The following PTBP2 variants were observed in gnomAD, a reference collection of about 807,000 sequenced individuals.
PTBP2 encodes the protein polypyrimidine tract binding protein 2.
Under a neutral mutation model 61.4 loss-of-function variants are expected in PTBP2, and 13 were observed. The observed-to-expected ratio is 0.21, with a 90% CI of 0.14 to 0.34. PTBP2 has a LOEUF of 0.34. PTBP2 is among the 10% of genes least tolerant of loss of function. PTBP2 has a pLI of 1.00. For missense variants in PTBP2, 405 were observed against 642.6 expected (o/e 0.63, Z 4.00); for synonymous variants, 215 against 218.5 (o/e 0.98, Z 0.14).
At chr1:96,787,512 CTTCTT>C (rs1319852825) in intron 8 of PTBP2, among the ~76,000 whole-genome samples, 1 of 151,596 alleles carries the variant, frequency 6.6e-6, no homozygotes, top group Non-Finnish European at 1.5e-5. Context: ...TCCTAAGTGA[CTTCTT>C]TTTTTTATCT....
chr1:96,797,181 G>A (rs939829786), intron 8 of PTBP2, among the ~76,000 whole-genome samples: 1 of 152,124 alleles, frequency 6.6e-6, no homozygotes, highest in African/African-American at 2.4e-5. Flanking sequence ...CTCATTGATG[G>A]TGGTGGAACA....
chr1:96,784,964 G>T lies in PTBP2; in HGVS notation c.709-95G>T, dbSNP rs273873. On this transcript the variant is annotated intron_variant, in intron 7 of 13. Coordinates refer to ENST00000674951, the MANE Select transcript of PTBP2 (RefSeq NM_021190.4). ...CCTTTTCCTGGTAGCTTTTAAGTTC[G>T]AGTTTTTGTTGTTGAGTTTTATTAC... 328,830 of 1,019,574 alleles carry T rather than the reference G, an allele frequency of 0.32. 55,213 individuals carry two copies. Among genetic ancestry groups the T allele is most frequent in the South Asian group, 0.42 (23,220 of 55,890 alleles). 63.2% of individuals were successfully genotyped at this position (1,019,574 alleles called of 1,614,324 possible).
chr1:96,776,190 T>C (rs1174150159), intron 5 of PTBP2, among the ~76,000 whole-genome samples: 2 of 152,012 alleles, frequency 1.3e-5, no homozygotes, highest in African/African-American at 4.8e-5. Context: ...ATGCTTGTTA[T>C]TATAGATAAA....
At chr1:96,807,761 T>G (rs1364961552) in intron 11 of PTBP2, among the ~76,000 whole-genome samples, 1 of 152,216 alleles carries the variant, frequency 6.6e-6, no homozygotes, top group Non-Finnish European at 1.5e-5. Context: ...ATTTTGAATT[T>G]CAAACACATA....
At chr1:96,749,881 A>AT (rs1269984072) in intron 2 of PTBP2, among the ~76,000 whole-genome samples, 2 of 152,142 alleles carry the variant, frequency 1.3e-5, no homozygotes, top group Non-Finnish European at 2.9e-5. Flanking sequence ...GCTTAGAATG[A>AT]TTAAGTACTG....
At chr1:96,777,373 A>G (rs1268995006) in intron 5 of PTBP2, among the ~76,000 whole-genome samples, 2 of 152,130 alleles carry the variant, frequency 1.3e-5, no homozygotes, top group Non-Finnish European at 2.9e-5. Flanking sequence ...AGCCTGGATA[A>G]TTTTTTTGAA....
rs550870177 is a variant in PTBP2, at chr1:96,737,693, T to TA, written c.40-13731dup. On this transcript the variant is annotated intron_variant, in intron 2 of 13. Coordinates refer to ENST00000674951, the MANE Select transcript of PTBP2 (RefSeq NM_021190.4). ...TAATTTTTTGGAATGTAGGTTGAGTTAGAGTAGTAGAAGACAAAATTTAAA... is the reference window on the plus strand; with the variant it reads ...TAATTTTTTGGAATGTAGGTTGAGTTAAGAGTAGTAGAAGACAAAATTTAAA... Among the ~76,000 whole-genome samples the TA allele has an allele frequency of 1.6e-3, 248 of 152,276 alleles. 2 individuals are homozygous for TA. The highest frequency in any genetic ancestry group is 4.4e-3 in the South Asian group (21 of 4,826).
At chr1:96,809,847 T>C (rs548899008) in intron 11 of PTBP2, among the ~76,000 whole-genome samples, 14 of 152,076 alleles carry the variant, frequency 9.2e-5, no homozygotes, top group Non-Finnish European at 1.8e-4. Flanking sequence ...GTTTTAACTT[T>C]AAGAATAACA....
intron 2 of PTBP2, among the ~76,000 whole-genome samples, chr1:96,745,661 C>T (rs1002561185): frequency 7.9e-5 from 12 of 151,744 alleles, no homozygotes; most frequent in Non-Finnish European, 1.0e-4. Flanking sequence ...AATAAATAGC[C>T]GTATTTTTTG....
At chr1:96,768,763 T>A (rs1657039162) in intron 3 of PTBP2, among the ~76,000 whole-genome samples, 1 of 152,028 alleles carries the variant, frequency 6.6e-6, no homozygotes, top group Non-Finnish European at 1.5e-5. Context: ...AGTTCATGAG[T>A]GATTTAGAGT....
chr1:96,781,386 T>C (rs749036823), intron 7 of PTBP2, among the ~76,000 whole-genome samples: 2 of 151,992 alleles, frequency 1.3e-5, no homozygotes, highest in Non-Finnish European at 2.9e-5. Flanking sequence ...ACAGTCCTTA[T>C]CATGGCTTAT....
chr1:96,778,386 CT>C (rs34377452), intron 7 of PTBP2, among the ~76,000 whole-genome samples: 2 of 150,854 alleles, frequency 1.3e-5, no homozygotes, highest in Admixed American at 1.3e-4. Context: ...TCTTTAATGT[CT>C]TTTTTTTAAA....
intron 3 of PTBP2, among the ~76,000 whole-genome samples, chr1:96,761,063 G>A (rs6692678): frequency 0.045 from 6,831 of 152,236 alleles, 480 homozygotes; most frequent in African/African-American, 0.15. Context: ...AGTACATAGT[G>A]TGATTCCATT....
intron 3 of PTBP2, among the ~76,000 whole-genome samples, chr1:96,754,251 GA>G (rs1215630094): frequency 6.6e-6 from 1 of 152,126 alleles, no homozygotes; most frequent in African/African-American, 2.4e-5. Context: ...CTCTACAGGG[GA>G]TAAGAGGAGT....
At chr1:96,773,831 C>T (rs273859) in intron 5 of PTBP2, among the ~76,000 whole-genome samples, 149,916 of 151,758 alleles carry the variant, frequency 0.99, 74,070 homozygotes, top group East Asian at 1. Flanking sequence ...GGCGTGGTGG[C>T]GGGCGCCTGT....
At chr1:96,773,065 C>T (rs915121170) in intron 5 of PTBP2, among the ~76,000 whole-genome samples, 10 of 137,896 alleles carry the variant, frequency 7.3e-5, no homozygotes, top group Non-Finnish European at 1.1e-4. Context: ...GTGGAGCTTG[C>T]GGTGATCCCA....
intron 8 of PTBP2, among the ~76,000 whole-genome samples, chr1:96,797,866 C>T (rs1490179943): frequency 6.6e-6 from 1 of 151,990 alleles, no homozygotes; most frequent in African/African-American, 2.4e-5. Context: ...ATTTTTGATC[C>T]AAGGTTGGTT....
intron 8 of PTBP2, among the ~76,000 whole-genome samples, chr1:96,790,780 G>A (rs968742009): frequency 6.6e-6 from 1 of 152,152 alleles, no homozygotes; most frequent in Non-Finnish European, 1.5e-5. Flanking sequence ...GTAGCCCAGA[G>A]TGGTTTGAAA....
chr1:96,768,670 T>C (rs1253384404), intron 3 of PTBP2, among the ~76,000 whole-genome samples: 1 of 152,010 alleles, frequency 6.6e-6, no homozygotes, highest in Non-Finnish European at 1.5e-5. Context: ...TGGTGAAGTT[T>C]TGGAATGAAG....
Sources: allele counts gnomAD v4.1 joint callset (sites outside exome capture counted in the v4.1 genomes callset), GRCh38; gene constraint gnomAD v4.1.1; transcripts MANE v1.5; gene names NCBI Gene and HGNC (gene_info 2026-07-23, HGNC 2026-07-21).